The following AUTS2 variants were observed in gnomAD, a reference collection of about 807,000 sequenced individuals.
The protein encoded by AUTS2 is autism susceptibility gene 2 protein.
Under a neutral mutation model 112.4 loss-of-function variants are expected in AUTS2, and 17 were observed. The observed-to-expected ratio is 0.15, with a 90% CI of 0.10 to 0.23. The LOEUF (loss-of-function observed/expected upper bound fraction) is 0.23. Ranked by LOEUF, AUTS2 falls within the 10% of genes least tolerant of loss-of-function variation. AUTS2 has a pLI of 1.00. For synonymous variants in AUTS2, 751 were observed against 702.7 expected (o/e 1.07, Z -1.09); for missense variants, 1,510 against 1,701.6 (o/e 0.89, Z 1.98).
At chr7:70,132,228 G>A (rs1374314108) in intron 3 of AUTS2, among the ~76,000 whole-genome samples, 5 of 147,788 alleles carry the variant, frequency 3.4e-5, no homozygotes, top group Non-Finnish European at 7.4e-5. Context: ...CTCCTGATAC[G>A]AGACTCTGTA....
chr7:70,659,106 T>A (rs1806929062), intron 5 of AUTS2, among the ~76,000 whole-genome samples: 1 of 152,054 alleles, frequency 6.6e-6, no homozygotes, highest in Non-Finnish European at 1.5e-5. Context: ...TTAGCTTTCT[T>A]TGGGTGCTTG....
chr7:70,154,819 T>A (rs1022086803), intron 4 of AUTS2, among the ~76,000 whole-genome samples: 3 of 152,230 alleles, frequency 2.0e-5, no homozygotes, highest in Admixed American at 1.3e-4. Context: ...TCGCTGCTAT[T>A]ATCTCTTTGG....
intron 2 of AUTS2, among the ~76,000 whole-genome samples, chr7:69,921,552 G>A (rs933426380): frequency 1.3e-5 from 2 of 151,840 alleles, no homozygotes; most frequent in African/African-American, 4.8e-5. Context: ...CAGATCACCT[G>A]AGGTCAGAAG....
intron 1 of AUTS2, among the ~76,000 whole-genome samples, chr7:69,695,363 A>G (rs930200839): frequency 1.3e-5 from 2 of 152,088 alleles, no homozygotes; most frequent in African/African-American, 2.4e-5. Flanking sequence ...AAATATAAAT[A>G]TAGATTAACA....
chr7:70,594,673 C>G (rs1233454800), intron 5 of AUTS2, among the ~76,000 whole-genome samples: 1 of 152,148 alleles, frequency 6.6e-6, no homozygotes. Context: ...TGATAGTTTC[C>G]TCCATTTGTA....
chr7:69,724,042 G>A (rs1393204740), intron 1 of AUTS2, among the ~76,000 whole-genome samples: 1 of 151,996 alleles, frequency 6.6e-6, no homozygotes, highest in African/African-American at 2.4e-5. Flanking sequence ...AGCAGGAGGG[G>A]GTCTCCATGG....
Position 70,766,404 on chromosome 7 carries a change from C to T in AUTS2, c.1689+70C>T, listed in dbSNP as rs755821984. The T allele has an allele frequency of 1.0e-4, 158 of 1,568,132 alleles. No individual in the cohort carries two copies. The highest frequency in any genetic ancestry group is 1.2e-4 in the Non-Finnish European group (133 of 1,152,000). The stretch of plus-strand genomic sequence containing the variant: ...CTTTTCTTTATGCAGCACGTGGGAC[C>T]GGGCTGGGCAGCGGGGCCACCAGAG... On this transcript the variant is annotated intron_variant, in intron 9 of 18. Transcript: ENST00000342771. The surrounding 1 kb of genome is among the most constrained non-coding windows in gnomAD (Gnocchi z 4.8).
intron 1 of AUTS2, among the ~76,000 whole-genome samples, chr7:69,865,195 G>A (rs531389748): frequency 1.3e-5 from 2 of 152,058 alleles, no homozygotes; most frequent in Non-Finnish European, 2.9e-5. Context: ...CGACTAAGAA[G>A]GCAGCAAGTG....
intron 5 of AUTS2, among the ~76,000 whole-genome samples, chr7:70,604,215 C>G (rs38305): frequency 6.6e-6 from 1 of 151,982 alleles, no homozygotes; most frequent in South Asian, 2.1e-4. Flanking sequence ...TTTTTATATC[C>G]GCACAGATTA....
chr7:70,339,683 C>T (rs563155952), intron 4 of AUTS2, among the ~76,000 whole-genome samples: 5 of 152,284 alleles, frequency 3.3e-5, no homozygotes, highest in African/African-American at 7.2e-5. Flanking sequence ...CAGCTAGTAA[C>T]TTACTGTGAT....
At chr7:69,736,350 A>G (rs574861289) in intron 1 of AUTS2, among the ~76,000 whole-genome samples, 1 of 152,242 alleles carries the variant, frequency 6.6e-6, no homozygotes, top group Non-Finnish European at 1.5e-5. Flanking sequence ...TGGGAAACCT[A>G]TTGGCTGATT....
intron 1 of AUTS2, among the ~76,000 whole-genome samples, chr7:69,730,780 G>A (rs1268699963): frequency 6.6e-6 from 1 of 152,126 alleles, no homozygotes; most frequent in Non-Finnish European, 1.5e-5. Flanking sequence ...TCAATAGCTA[G>A]AGACCACATG....
At chr7:70,303,439 TACACACACACACACAC>T (rs371608891) in intron 4 of AUTS2, among the ~76,000 whole-genome samples, 3 of 143,184 alleles carry the variant, frequency 2.1e-5, no homozygotes, top group Non-Finnish European at 4.6e-5. Flanking sequence ...CGCGCGCACA[TACACACACACACACAC>T]ACACACACAC....
chr7:70,563,110 G>A (rs1352483154), intron 5 of AUTS2, among the ~76,000 whole-genome samples: 1 of 152,254 alleles, frequency 6.6e-6, no homozygotes, highest in South Asian at 2.1e-4. Flanking sequence ...GGAATAGACT[G>A]CCTCTGGAAA....
intron 5 of AUTS2, among the ~76,000 whole-genome samples, chr7:70,552,384 T>C (rs942579179): frequency 6.6e-6 from 1 of 152,204 alleles, no homozygotes; most frequent in African/African-American, 2.4e-5. Flanking sequence ...ATACCATATG[T>C]CTCTCCCTGT....
chr7:69,769,865 G>C (rs1171982854), intron 1 of AUTS2, among the ~76,000 whole-genome samples: 1 of 152,224 alleles, frequency 6.6e-6, no homozygotes, highest in East Asian at 1.9e-4. Context: ...ACTTCACGGG[G>C]TTGTTGTGAA....
intron 2 of AUTS2, among the ~76,000 whole-genome samples, chr7:69,984,221 C>T (rs1466357819): frequency 2.0e-5 from 3 of 151,886 alleles, no homozygotes; most frequent in East Asian, 1.9e-4. Flanking sequence ...ATCGAGACCA[C>T]GGTGAAACCC....
At chr7:70,501,137 A>G (rs568968769) in intron 5 of AUTS2, among the ~76,000 whole-genome samples, 9 of 152,254 alleles carry the variant, frequency 5.9e-5, no homozygotes, top group Non-Finnish European at 1.3e-4. Flanking sequence ...TTATTTCGTG[A>G]ATGTGTATTT....
intron 5 of AUTS2, among the ~76,000 whole-genome samples, chr7:70,445,133 C>G (rs1370178985): frequency 1.3e-5 from 2 of 152,190 alleles, no homozygotes; most frequent in South Asian, 4.1e-4. Flanking sequence ...CATACACCAT[C>G]GTTGACCATG....
Sources: gnomAD v4.1 joint callset for allele counts (sites outside exome capture counted in the v4.1 genomes callset) on GRCh38, gnomAD v4.1.1 for gene constraint, Gnocchi (gnomAD v3.1) non-coding constraint, MANE v1.5 for transcripts, NCBI Gene and HGNC (gene_info 2026-07-23, HGNC 2026-07-21) for gene names.